Variants in NUGGC observed in about 807,000 individuals in gnomAD.
The protein encoded by NUGGC is nuclear GTPase, germinal center associated.
NUGGC carries 58 observed loss-of-function variants against 92.6 expected under a neutral mutation model. That is an observed-to-expected ratio of 0.63 (90% CI 0.51 to 0.78). The LOEUF is 0.78. Ranked by LOEUF, NUGGC falls within the 30% of genes least tolerant of loss-of-function variation. The pLI, the probability that NUGGC is intolerant of heterozygous loss-of-function variation, is 0.00. For missense variants in NUGGC, 925 were observed against 964.6 expected, an observed-to-expected ratio of 0.96 and a Z score of 0.54; for synonymous variants, 376 against 366.4, an observed-to-expected ratio of 1.03 and a Z score of -0.30.
At chr8:28,049,045 G>A (rs574049106) in intron 10 of NUGGC, among the ~76,000 whole-genome samples, 3 of 152,160 alleles carry the variant, frequency 2.0e-5, no homozygotes, top group South Asian at 2.1e-4. Context: ...GTGCATGTGC[G>A]TGTGTGGGTA....
At chr8:28,051,051 T>A (rs1809987956) in intron 10 of NUGGC, among the ~76,000 whole-genome samples, 1 of 152,138 alleles carries the variant, frequency 6.6e-6, no homozygotes, top group African/African-American at 2.4e-5. Flanking sequence ...CTTGAACTCC[T>A]GGCCTCATAC....
In NUGGC at chr8:28,033,481, A is replaced by C. The variant is rs571075386; in HGVS notation, c.1769+59T>G. 111 of 1,518,184 alleles carry C rather than the reference A, an allele frequency of 7.3e-5. 1 individual carries two copies. The South Asian group carries it at 1.2e-3, about 17-fold the overall frequency. The allele number at this position is 1,518,184 out of a possible 1,614,324, so 94.0% of individuals were successfully genotyped here. ...AGATCCAAAGTCTAAATTCTTAAAG[A>C]CTGGCTCCACATTCTTCCGATGTTT... is the stretch of plus-strand genomic sequence containing the variant. On this transcript the variant is annotated intron_variant, in intron 14 of 18. Coordinates refer to ENST00000413272, the MANE Select transcript of NUGGC (RefSeq NM_001010906.2).
chr8:28,031,732 G>C (rs1809423223), intron 14 of NUGGC, among the ~76,000 whole-genome samples: 1 of 152,222 alleles, frequency 6.6e-6, no homozygotes, highest in Non-Finnish European at 1.5e-5. Context: ...CCACTTGAAA[G>C]GGTGGAACTT....
At chr8:28,047,478 G>A in intron 11 of NUGGC, 29 bp downstream of exon 11, 1 of 1,334,046 alleles carries the variant, frequency 7.5e-7, no homozygotes. Flanking sequence ...GAGAATTTTA[G>A]TGATGGAGAT....
chr8:28,033,218 CT>C (rs1809467259), intron 14 of NUGGC, among the ~76,000 whole-genome samples: 1 of 152,152 alleles, frequency 6.6e-6, no homozygotes, highest in Non-Finnish European at 1.5e-5. Context: ...CTTAATTCTA[CT>C]CTCTCCAATC....
chr8:28,039,460 G>A (rs974088860), intron 13 of NUGGC, among the ~76,000 whole-genome samples: 5 of 152,108 alleles, frequency 3.3e-5, no homozygotes, highest in Non-Finnish European at 7.3e-5. Context: ...TCAAACTCCT[G>A]ACCTCAGGTG....
At chr8:28,080,092 C>T (rs1055105011) in intron 1 of NUGGC, among the ~76,000 whole-genome samples, 1 of 152,138 alleles carries the variant, frequency 6.6e-6, no homozygotes, top group Non-Finnish European at 1.5e-5. Context: ...CAGGCACCTG[C>T]CACCATGCCC....
intron 18 of NUGGC, 21 bp from the exon 19 acceptor site, chr8:28,023,483 C>T (rs2130044739): frequency 6.2e-7 from 1 of 1,600,088 alleles, no homozygotes; most frequent in Non-Finnish European, 8.5e-7. Flanking sequence ...GCAGAAAGCT[C>T]ACATCAGGAC....
Position 28,027,053 on chromosome 8 carries a change from C to T in NUGGC, c.2155-1G>A, listed in dbSNP as rs755661057. 1 of 1,610,448 alleles carries T rather than the reference C, an allele frequency of 6.2e-7. No homozygotes were observed. The highest frequency in any genetic ancestry group is 8.5e-7 in the Non-Finnish European group (1 of 1,176,724). On this transcript the variant is annotated splice_acceptor_variant, in intron 17 of 18. Transcript: ENST00000413272. LOFTEE classifies it high-confidence loss of function. ...CCTTCACCTTCTCCACGATTCCAGT[C>T]TATGCAACAAGGACATTCAGTCTGT...
intron 18 of NUGGC, among the ~76,000 whole-genome samples, chr8:28,026,290 G>A (rs552251479): frequency 5.3e-5 from 8 of 152,222 alleles, no homozygotes; most frequent in Non-Finnish European, 8.8e-5. Context: ...GGGTTGCTGC[G>A]CCAAATGATA....
In NUGGC at chr8:28,064,629, C is replaced by T. The variant is rs1810391454; in HGVS notation, c.814G>A (p.Val272Met). 6.2e-7 allele frequency: 1 copy of T among 1,613,886 alleles called. No individual in the cohort carries two copies. Among genetic ancestry groups the T allele is most frequent in the African/African-American group, 1.3e-5 (1 of 74,932 alleles). The change falls in exon 7 of 19, where the codon GTG (valine) becomes ATG (methionine). Residue 272 changes from valine (V) to methionine (M), a missense_variant. Transcript: ENST00000413272. Reference protein sequence around the residue: ...EMRIWPLIKHVEVTLPKSDLI... With the variant: ...EMRIWPLIKHMEVTLPKSDLI... ...TCGGATTTGGGAAGTGTCACTTCCA[C>T]ATGTTTGATCAAGGGCCAGATGCGC...
chr8:28,065,774 G>T (rs909218787), intron 6 of NUGGC, among the ~76,000 whole-genome samples: 5 of 152,156 alleles, frequency 3.3e-5, no homozygotes, highest in African/African-American at 7.2e-5. Context: ...AAATTAAATC[G>T]CTGGATTTGT....
chr8:28,074,213 A>AAAAGTTTTAAAAG (rs1585604146), intron 2 of NUGGC, among the ~76,000 whole-genome samples, 155 bp downstream of exon 2: 2 of 151,926 alleles, frequency 1.3e-5, no homozygotes, highest in East Asian at 3.9e-4. Flanking sequence ...TCTGATCTTC[A>AAAAGTTTTAAAAG]TTCACTATTT....
At chr8:28,082,534 C>T (rs546961802) in intron 1 of NUGGC, among the ~76,000 whole-genome samples, 4 of 152,340 alleles carry the variant, frequency 2.6e-5, no homozygotes, top group South Asian at 2.1e-4. Flanking sequence ...TAAGATCACA[C>T]TGTTCTGTAA....
At chr8:28,083,741 T>A (rs1810905647) in intron 1 of NUGGC, 34 bp downstream of exon 1, 2 of 151,510 alleles carry the variant, frequency 1.3e-5, no homozygotes, top group South Asian at 4.2e-4. Context: ...CAACCACAAG[T>A]TACAGTACAA....
chr8:28,045,977 C>T (rs1427679310), intron 11 of NUGGC, among the ~76,000 whole-genome samples: 1 of 152,144 alleles, frequency 6.6e-6, no homozygotes, highest in East Asian at 1.9e-4. Context: ...CAGAGGTAAA[C>T]CAAAGTGCTC....
At chr8:28,025,902 G>A (rs1809247159) in intron 18 of NUGGC, among the ~76,000 whole-genome samples, 2 of 152,178 alleles carry the variant, frequency 1.3e-5, no homozygotes. Flanking sequence ...CTACCCTCCA[G>A]CCTTCCAGTT....
intron 1 of NUGGC, among the ~76,000 whole-genome samples, chr8:28,078,967 A>G (rs1810785420): frequency 6.6e-6 from 1 of 152,248 alleles, no homozygotes; most frequent in Non-Finnish European, 1.5e-5. Flanking sequence ...TGTGGTTAGC[A>G]CTGAAGTTTT....
At chr8:28,067,493 A>G (rs1316299745) in intron 6 of NUGGC, 21 bp downstream of exon 6, 1 of 1,538,672 alleles carries the variant, frequency 6.5e-7, no homozygotes, top group Admixed American at 1.9e-5. Flanking sequence ...GAAATCAAGG[A>G]AAAAACGAAC....
Sources: allele counts gnomAD v4.1 joint callset (sites outside exome capture counted in the v4.1 genomes callset), GRCh38; gene constraint gnomAD v4.1.1; transcripts MANE v1.5; gene names NCBI Gene and HGNC (gene_info 2026-07-23, HGNC 2026-07-21).